PALLD: variants seen among roughly 807,000 people sequenced by gnomAD.
PALLD encodes palladin, cytoskeletal associated protein.
Under a neutral mutation model 123.5 loss-of-function variants are expected in PALLD, and 61 were observed. The ratio of observed to expected loss-of-function variants is 0.49; its 90% CI spans 0.40 to 0.61. The LOEUF (loss-of-function observed/expected upper bound fraction) is 0.61, where lower values mean the gene tolerates loss of function less well. Among genes scored for constraint, PALLD ranks in the 20% least tolerant of loss-of-function variants. PALLD has a pLI of 0.00. For synonymous variants in PALLD, 465 were observed against 496.4 expected (o/e 0.94, Z 0.84); for missense variants, 1,273 against 1,377.0 (o/e 0.92, Z 1.20).
chr4:168,837,092 G>A (rs867226504), intron 10 of PALLD, among the ~76,000 whole-genome samples: 6 of 152,232 alleles, frequency 3.9e-5, no homozygotes, highest in Middle Eastern at 3.4e-3. Flanking sequence ...GTTTCCTCAT[G>A]CTAACAGAGA....
At chr4:168,564,329 A>C (rs1768156741) in intron 2 of PALLD, among the ~76,000 whole-genome samples, 1 of 152,196 alleles carries the variant, frequency 6.6e-6, no homozygotes, top group African/African-American at 2.4e-5. Context: ...ATTCTCCTTC[A>C]ACCTACCATG....
rs1268326561 is a variant in PALLD at position 168,683,093 on chromosome 4, C to G, written c.1250C>G (p.Pro417Arg). Residue 417 changes from proline to arginine, a missense_variant, in exon 5 of 22, where the codon CCT (proline) becomes CGT (arginine). Coordinates refer to ENST00000505667, the MANE Select transcript of PALLD (RefSeq NM_001166108.2). ...TTAVIQPLSV[P>R]VQQVHSPTSY... ...GCTGTGATTCAACCACTGTCTGTCCCTGTGCAACAGGTAAGTATGCTTTGA... is the reference window on the plus strand; with the variant it reads ...GCTGTGATTCAACCACTGTCTGTCCGTGTGCAACAGGTAAGTATGCTTTGA... 3 of 1,598,582 alleles carry G rather than the reference C, an allele frequency of 1.9e-6. No homozygotes were observed. The highest frequency in any genetic ancestry group is 2.7e-5 in the African/African-American group (2 of 74,564).
At chr4:168,811,050 T>C (rs1741042323) in intron 10 of PALLD, among the ~76,000 whole-genome samples, 1 of 152,144 alleles carries the variant, frequency 6.6e-6, no homozygotes, top group Non-Finnish European at 1.5e-5. Context: ...AGAACAGATG[T>C]TGAAAGACAT....
At chr4:168,572,391 G>A (rs1227038218) in intron 2 of PALLD, among the ~76,000 whole-genome samples, 2 of 152,086 alleles carry the variant, frequency 1.3e-5, no homozygotes, top group African/African-American at 4.8e-5. Context: ...AAATGGTTAT[G>A]TAGGAAAACT....
chr4:168,577,956 G>A (rs1335507260), intron 2 of PALLD, among the ~76,000 whole-genome samples: 4 of 151,996 alleles, frequency 2.6e-5, no homozygotes, highest in African/African-American at 7.2e-5. Context: ...CGGGGGGAAC[G>A]TTGTGAATCT....
chr4:168,849,559 G>C (rs189054852), intron 10 of PALLD, among the ~76,000 whole-genome samples: 188 of 152,240 alleles, frequency 1.2e-3, no homozygotes, highest in Non-Finnish European at 2.6e-4. Context: ...TTGAATTCTC[G>C]ACTAGACTTT....
chr4:168,756,687 G>A (rs958714933), intron 10 of PALLD, among the ~76,000 whole-genome samples: 1 of 152,182 alleles, frequency 6.6e-6, no homozygotes, highest in East Asian at 1.9e-4. Flanking sequence ...CTGTGGCCAG[G>A]TTAAGTTTGA....
At chr4:168,683,791 T>A (rs1279467918) in intron 5 of PALLD, among the ~76,000 whole-genome samples, 2 of 152,192 alleles carry the variant, frequency 1.3e-5, no homozygotes, top group African/African-American at 4.8e-5. Flanking sequence ...AAATGTAAAC[T>A]CATTCCTAAG....
intron 10 of PALLD, among the ~76,000 whole-genome samples, chr4:168,718,280 GT>G (rs1425651730): frequency 6.6e-6 from 1 of 152,132 alleles, no homozygotes; most frequent in Non-Finnish European, 1.5e-5. Flanking sequence ...ACCTTACCTG[GT>G]TGATTGAAAA....
rs539538192 is a variant in PALLD at position 168,823,678 on chromosome 4, C to CA, written c.1965-67235dup. On this transcript the variant is annotated intron_variant, in intron 10 of 21. Transcript: ENST00000505667. ...CTGGGCAACAGAGCAGGACCCATTT[C>CA]AAAAAAAAAGAAATCCCTTTCTCCT... Among the ~76,000 whole-genome samples the CA allele has an allele frequency of 4.2e-3, 630 of 150,612 alleles. 3 individuals are homozygous for CA. Among genetic ancestry groups the CA allele is most frequent in the Middle Eastern group, 0.01 (3 of 292 alleles).
chr4:168,891,552 A>C (rs1221484772), intron 11 of PALLD, among the ~76,000 whole-genome samples: 1 of 152,206 alleles, frequency 6.6e-6, no homozygotes, highest in East Asian at 1.9e-4. Context: ...CCTTCCTTCT[A>C]TTCAGTCTTC....
chr4:168,536,056 CAG>C (rs1310634763), intron 2 of PALLD, among the ~76,000 whole-genome samples: 3 of 152,172 alleles, frequency 2.0e-5, no homozygotes, highest in African/African-American at 7.2e-5. Context: ...GAGAGTCAAA[CAG>C]AATTGTCTGG....
intron 19 of PALLD, among the ~76,000 whole-genome samples, 157 bp downstream of exon 19, chr4:168,924,577 A>G (rs1762215928): frequency 6.6e-6 from 1 of 152,150 alleles, no homozygotes; most frequent in African/African-American, 2.4e-5. Flanking sequence ...TGCGTTACCC[A>G]ATGTAGGATT....
At chr4:168,551,384 T>C (rs1322271816) in intron 2 of PALLD, among the ~76,000 whole-genome samples, 1 of 152,204 alleles carries the variant, frequency 6.6e-6, no homozygotes, top group East Asian at 1.9e-4. Flanking sequence ...CAGGATTTTA[T>C]ACATAAGGAT....
chr4:168,903,627 G>A, intron 14 of PALLD, 130 bp from the exon 15 acceptor site: 1 of 737,466 alleles, frequency 1.4e-6, no homozygotes, highest in Non-Finnish European at 2.4e-6. Flanking sequence ...CCTTAGTCAG[G>A]TATTTGGTTT....
At chr4:168,792,738 A>G (rs778171688) in intron 10 of PALLD, among the ~76,000 whole-genome samples, 3 of 151,614 alleles carry the variant, frequency 2.0e-5, no homozygotes, top group Non-Finnish European at 4.4e-5. Context: ...CAGCAGATAA[A>G]TTCTATTTAA....
Position 168,711,896 on chromosome 4 carries a change from C to T in PALLD, c.1937C>T (p.Pro646Leu). 6.2e-7 allele frequency: 1 copy of T among 1,614,054 alleles called. No homozygotes were observed. The highest frequency in any genetic ancestry group is 8.5e-7 in the Non-Finnish European group (1 of 1,179,962). Residue 646 changes from proline to leucine, a missense_variant, in exon 10 of 22, where the codon CCA (proline) becomes CTA (leucine). Pro to Leu is a moderately conservative substitution (Grantham distance 98, BLOSUM62 -3). Coordinates refer to ENST00000505667, the MANE Select transcript of PALLD (RefSeq NM_001166108.2). The stretch of plus-strand genomic sequence containing the variant: ...GTCCTGCTTTCACCCACTAAGGAGC[C>T]ACCACCTCTGCTTGCCAAACCAAAA... ...PAVLLSPTKEPPPLLAKPKLG... is the reference protein window; with the variant it reads ...PAVLLSPTKELPPLLAKPKLG...
intron 2 of PALLD, among the ~76,000 whole-genome samples, chr4:168,628,662 G>A (rs771365664): frequency 4.6e-5 from 7 of 152,210 alleles, no homozygotes; most frequent in Admixed American, 2.6e-4. Flanking sequence ...TGGCCGCTCC[G>A]TTTTAAATTA....
In PALLD at chr4:168,711,842, A is replaced by G; in HGVS notation, c.1883A>G (p.Asn628Ser). The G allele has an allele frequency of 1.2e-6, 2 of 1,614,166 alleles. No homozygotes were observed. The highest frequency in any genetic ancestry group is 1.7e-5 in the Admixed American group (1 of 60,018). The change falls in exon 10 of 22, where the codon AAC (asparagine) becomes AGC (serine). Residue 628 changes from asparagine (N) to serine (S), a missense_variant. Physicochemically the swap from Asn to Ser is conservative, Grantham distance 46. Around this residue, in one of 2 missense-constraint regions of PALLD, gnomAD observed 944 missense variants for 954.5 expected, o/e 0.99. Coordinates refer to ENST00000505667, the MANE Select transcript of PALLD (RefSeq NM_001166108.2). ...GVNGLINGKA[N>S]SNKSLPTPAV... Reference sequence around the variant, plus strand: ...AATGGACTGATTAACGGCAAAGCTAACAGTAATAAATCTCTTCCAACACCA... The same window carrying G: ...AATGGACTGATTAACGGCAAAGCTAGCAGTAATAAATCTCTTCCAACACCA...
Sources: allele counts gnomAD v4.1 joint callset (sites outside exome capture counted in the v4.1 genomes callset), GRCh38; gene constraint gnomAD v4.1.1; regional missense constraint gnomAD v4.1.1; transcripts MANE v1.5; gene names NCBI Gene and HGNC (gene_info 2026-07-23, HGNC 2026-07-21).